STK3: variants seen among roughly 807,000 people sequenced by gnomAD.
The protein encoded by STK3 is serine/threonine-protein kinase 3.
STK3 carries 41 observed loss-of-function variants against 58.0 expected under a neutral mutation model. The ratio of observed to expected loss-of-function variants is 0.71; its 90% confidence interval spans 0.55 to 0.92. The LOEUF (loss-of-function observed/expected upper bound fraction) is 0.92, where lower values mean the gene tolerates loss of function less well. STK3 is among the 40% of genes least tolerant of loss of function. STK3 has a pLI of 0.00. For missense variants in STK3, 479 were observed against 602.7 expected (o/e 0.79, Z 2.15); for synonymous variants, 170 against 191.0 (o/e 0.89, Z 0.91).
At chr8:98,653,489 G>A (rs1053244851) in intron 6 of STK3, among the ~76,000 whole-genome samples, 7 of 152,048 alleles carry the variant, frequency 4.6e-5, no homozygotes, top group African/African-American at 1.7e-4. Context: ...AATCAGAGCA[G>A]AACTGAAGGA....
At chr8:98,609,944 G>T (rs1173434393) in intron 6 of STK3, among the ~76,000 whole-genome samples, 1 of 150,210 alleles carries the variant, frequency 6.7e-6, no homozygotes, top group African/African-American at 2.5e-5. Context: ...TCCAGCCTGG[G>T]TGACACAGTG....
intron 4 of STK3, among the ~76,000 whole-genome samples, chr8:98,743,498 T>A (rs557392976): frequency 6.6e-6 from 1 of 152,150 alleles, no homozygotes; most frequent in Admixed American, 6.5e-5. Flanking sequence ...GATTCCCTAT[T>A]TAATAAATGG....
chr8:98,931,654 CA>C (rs564975904), intron 1 of STK3, among the ~76,000 whole-genome samples: 246 of 152,214 alleles, frequency 1.6e-3, no homozygotes, highest in Non-Finnish European at 2.8e-3. Flanking sequence ...TTGTTAAGTA[CA>C]AAAAACTTTG....
chr8:98,696,148 T>C (rs1369400894), intron 6 of STK3, among the ~76,000 whole-genome samples: 1 of 152,098 alleles, frequency 6.6e-6, no homozygotes, highest in African/African-American at 2.4e-5. Flanking sequence ...AGTTCACTCA[T>C]GATTTGGCTG....
intron 2 of STK3, among the ~76,000 whole-genome samples, chr8:98,435,800 G>T (rs1047089348): frequency 6.6e-6 from 1 of 152,160 alleles, no homozygotes; most frequent in African/African-American, 2.4e-5. Flanking sequence ...GGGAGGCCTG[G>T]AGGCCAGGCA....
chr8:98,598,221 T>C, intron 6 of STK3: 1 of 985,398 alleles, frequency 1.0e-6, no homozygotes, highest in Non-Finnish European at 1.2e-6. Flanking sequence ...CCTTTGAACT[T>C]TGAGGCAATG....
rs1430037760 is a variant in STK3, at chr8:98,448,649, A to G, written n.186-11441T>C. 2.0e-5 allele frequency among the ~76,000 whole-genome samples: 3 copies of G among 152,182 alleles called. No individual in the cohort carries two copies. In the East Asian group the frequency reaches 5.8e-4, roughly 29 times the overall value. On this transcript the variant is annotated intron_variant and non_coding_transcript_variant, in intron 1 of 3. Coordinates refer to the STK3 transcript ENST00000517832. ...ACCTTGGACATTCTATAAAAATTTA[A>G]AAGACAACTAGTTGCTTGGTTTAAA...
chr8:98,935,108 G>C (rs557668637), intron 1 of STK3, among the ~76,000 whole-genome samples: 1 of 147,644 alleles, frequency 6.8e-6, no homozygotes, highest in African/African-American at 2.5e-5. Flanking sequence ...CCTAGCCTCC[G>C]TTGCAGCTAG....
intron 6 of STK3, among the ~76,000 whole-genome samples, chr8:98,655,430 G>C (rs1477429465): frequency 6.6e-6 from 1 of 152,150 alleles, no homozygotes; most frequent in Non-Finnish European, 1.5e-5. Flanking sequence ...CATGGGCAAG[G>C]ACTTCATGTC....
intron 6 of STK3, among the ~76,000 whole-genome samples, chr8:98,653,992 C>A (rs1032217359): frequency 2.6e-4 from 40 of 152,202 alleles, no homozygotes; most frequent in African/African-American, 9.4e-4. Context: ...ATGAGGCCAG[C>A]ATCATCCTGA....
At chr8:98,938,207 T>TA (rs1009943670) in intron 1 of STK3, among the ~76,000 whole-genome samples, 1 of 151,896 alleles carries the variant, frequency 6.6e-6, no homozygotes, top group Admixed American at 6.6e-5. Flanking sequence ...GGCTTCCAGT[T>TA]AGACGGGATT....
chr8:98,629,877 G>T (rs888694917), intron 6 of STK3, among the ~76,000 whole-genome samples: 8 of 152,064 alleles, frequency 5.3e-5, no homozygotes, highest in Non-Finnish European at 1.0e-4. Flanking sequence ...TCCATCCCCA[G>T]TATTCAGCTC....
At chr8:98,413,716 T>C in intron 3 of STK3, 1 of 917,206 alleles carries the variant, frequency 1.1e-6, no homozygotes, top group Non-Finnish European at 1.8e-6. Flanking sequence ...ACCGTTCTTT[T>C]CTGTTGAAGA....
intron 1 of STK3, among the ~76,000 whole-genome samples, chr8:98,811,244 A>G (rs1223294840): frequency 6.6e-6 from 1 of 152,162 alleles, no homozygotes; most frequent in Non-Finnish European, 1.5e-5. Context: ...CTTTTTCATA[A>G]AGTGCCTTCT....
intron 3 of STK3, chr8:98,875,358 A>C (rs1837529512): frequency 6.6e-6 from 1 of 152,244 alleles, no homozygotes; most frequent in African/African-American, 2.4e-5. Flanking sequence ...GCTCCAGCTC[A>C]TCCCCAACTG....
intron 10 of STK3, among the ~76,000 whole-genome samples, chr8:98,494,068 G>A (rs907480008): frequency 1.3e-5 from 2 of 151,886 alleles, no homozygotes; most frequent in African/African-American, 4.8e-5. Flanking sequence ...TCAATTTTTT[G>A]CAATTCTGTT....
intron 3 of STK3, among the ~76,000 whole-genome samples, chr8:98,412,523 C>T (rs145816969): frequency 5.3e-5 from 8 of 152,348 alleles, no homozygotes; most frequent in African/African-American, 1.7e-4. Flanking sequence ...GCCAACCTTA[C>T]AGTAGCTGTT....
chr8:98,449,285 C>A (rs1206670901), intron 1 of STK3, among the ~76,000 whole-genome samples: 1 of 152,118 alleles, frequency 6.6e-6, no homozygotes, highest in Non-Finnish European at 1.5e-5. Flanking sequence ...TGAGAAGATA[C>A]ACAGATTACA....
chr8:98,781,578 A>G (rs2131530610), intron 1 of STK3, among the ~76,000 whole-genome samples: 1 of 152,346 alleles, frequency 6.6e-6, no homozygotes, highest in East Asian at 1.9e-4. Flanking sequence ...GTCATTCAGA[A>G]AAGAACTCAG....
Sources: allele counts gnomAD v4.1 joint callset (sites outside exome capture counted in the v4.1 genomes callset), GRCh38; gene constraint gnomAD v4.1.1; transcripts MANE v1.5; gene names NCBI Gene and HGNC (gene_info 2026-07-23, HGNC 2026-07-21).